The following CLDN16 variants were observed in gnomAD, a reference collection of about 807,000 sequenced individuals.
CLDN16 encodes claudin 16.
In CLDN16, 13 loss-of-function variants were observed where a neutral mutation model predicts 24.6. The observed-to-expected ratio is 0.53, with a 90% CI of 0.34 to 0.84. The LOEUF (loss-of-function observed/expected upper bound fraction) is 0.84. CLDN16 is among the 40% of genes least tolerant of loss of function. The pLI, the probability that CLDN16 is intolerant of heterozygous loss-of-function variation, is 0.01. For missense variants in CLDN16, 298 were observed against 292.7 expected, an observed-to-expected ratio of 1.02 and a Z score of -0.13; for synonymous variants, 116 against 106.7, an observed-to-expected ratio of 1.09 and a Z score of -0.54.
At chr3:190,302,854 A>G in the CLDN16 span, among the ~76,000 whole-genome samples, 46 of 151,306 alleles carry the variant, frequency 3.0e-4, no homozygotes, top group African/African-American at 1.1e-3. Context: ...GTATATTACC[A>G]TATACTGAAA....
At chr3:190,337,243 C>G (rs6776618) in intron 1 of CLDN16, among the ~76,000 whole-genome samples, 102,147 of 152,116 alleles carry the variant, frequency 0.67, 35,835 homozygotes, top group East Asian at 0.93. Flanking sequence ...CTTAAAAGAA[C>G]GCTATACACA....
intron 1 of CLDN16, among the ~76,000 whole-genome samples, chr3:190,395,953 G>A (rs1056012833): frequency 1.3e-5 from 2 of 152,104 alleles, no homozygotes; most frequent in Non-Finnish European, 2.9e-5. Context: ...CTAGAGAAGA[G>A]ATAAATGCCG....
intron 1 of CLDN16, among the ~76,000 whole-genome samples, chr3:190,332,342 G>T (rs1236036276): frequency 6.6e-6 from 1 of 152,090 alleles, no homozygotes; most frequent in East Asian, 1.9e-4. Context: ...ATAAAAATAA[G>T]ATATTAATAG....
intron 1 of CLDN16, among the ~76,000 whole-genome samples, chr3:190,362,290 G>C (rs111526235): frequency 0.047 from 7,071 of 151,874 alleles, 203 homozygotes; most frequent in African/African-American, 0.07. Context: ...GAGATATTTT[G>C]CAGACCCTCA....
chr3:190,367,925 G>A (rs892322318), intron 1 of CLDN16, among the ~76,000 whole-genome samples: 1 of 151,810 alleles, frequency 6.6e-6, no homozygotes, highest in African/African-American at 2.4e-5. Flanking sequence ...TCTGCATTTT[G>A]ATTACATTCC....
At chr3:190,369,461 T>C (rs1718087972) in intron 1 of CLDN16, among the ~76,000 whole-genome samples, 1 of 151,956 alleles carries the variant, frequency 6.6e-6, no homozygotes, top group Non-Finnish European at 1.5e-5. Flanking sequence ...TACCATGTCA[T>C]TTTTATTACA....
At chr3:190,313,554 T>A in the CLDN16 span, among the ~76,000 whole-genome samples, 3 of 152,192 alleles carry the variant, frequency 2.0e-5, no homozygotes, top group Non-Finnish European at 4.4e-5. Flanking sequence ...GTTTTATAGA[T>A]TATCATGGCT....
chr3:190,383,791 T>C (rs534184292), upstream of CLDN16, among the ~76,000 whole-genome samples: 21 of 152,178 alleles, frequency 1.4e-4, no homozygotes, highest in Non-Finnish European at 2.8e-4. Flanking sequence ...TAGATATACA[T>C]ACACACACAT....
At chr3:190,320,312 C>T (rs1372006058), upstream of CLDN16, among the ~76,000 whole-genome samples, 2 of 152,120 alleles carry the variant, frequency 1.3e-5, no homozygotes, top group Non-Finnish European at 2.9e-5. Flanking sequence ...ACAGTGAGAC[C>T]TCTCTGGAAT....
chr3:190,398,754 A>G (rs1718884453), intron 1 of CLDN16, among the ~76,000 whole-genome samples: 1 of 152,146 alleles, frequency 6.6e-6, no homozygotes, highest in South Asian at 2.1e-4. Flanking sequence ...GTGTATTTGT[A>G]ATTTTTAATT....
rs570852973 is a variant in CLDN16, at chr3:190,356,741, T to C, written n.122-14152T>C. Among the ~76,000 whole-genome samples, 18 of 152,040 alleles carry C rather than the reference T, an allele frequency of 1.2e-4. No individual in the cohort carries two copies. The South Asian group carries it at 3.7e-3, about 31-fold the overall frequency. On this transcript the variant is annotated intron_variant and non_coding_transcript_variant, in intron 1 of 4. Transcript: ENST00000468220. ...TACCATAATGTCCTACTGAAATAAA[T>C]ATTCCATGCTATAAAAGAAAGAATT...
chr3:190,306,334 A>G, the CLDN16 span: 3 of 152,202 alleles, frequency 2.0e-5, no homozygotes, highest in Non-Finnish European at 2.9e-5. Context: ...ACTCAATTTT[A>G]CTTCACTGTC....
intron 1 of CLDN16, among the ~76,000 whole-genome samples, chr3:190,346,725 C>T (rs529320263): frequency 3.3e-4 from 50 of 152,270 alleles, no homozygotes; most frequent in African/African-American, 1.2e-3. Flanking sequence ...TCCCTGCCTT[C>T]TCCTAGCTTG....
chr3:190,357,768 A>G (rs1717807598), intron 1 of CLDN16, among the ~76,000 whole-genome samples: 2 of 151,844 alleles, frequency 1.3e-5, no homozygotes, highest in African/African-American at 4.8e-5. Flanking sequence ...AAATCTTTCT[A>G]TGCTTGTAAA....
At chr3:190,399,734 C>T (rs1215334647) in intron 1 of CLDN16, among the ~76,000 whole-genome samples, 5 of 152,122 alleles carry the variant, frequency 3.3e-5, no homozygotes, top group African/African-American at 1.2e-4. Context: ...AATAGCCATC[C>T]TAGAGTGCTA....
At chr3:190,301,602 G>A in the CLDN16 span, among the ~76,000 whole-genome samples, 1 of 152,022 alleles carries the variant, frequency 6.6e-6, no homozygotes, top group Non-Finnish European at 1.5e-5. Flanking sequence ...TCCACTTTTG[G>A]TTTATGTCTG....
At chr3:190,349,528 A>G (rs780963269) in intron 1 of CLDN16, among the ~76,000 whole-genome samples, 3 of 152,138 alleles carry the variant, frequency 2.0e-5, no homozygotes, top group Non-Finnish European at 2.9e-5. Flanking sequence ...GGTATGTTTC[A>G]TCAATGGTCA....
chr3:190,321,091 G>A (rs1431115692), upstream of CLDN16, among the ~76,000 whole-genome samples: 1 of 152,072 alleles, frequency 6.6e-6, no homozygotes, highest in Non-Finnish European at 1.5e-5. Context: ...TTTCTTTGTG[G>A]AAGATGGAAA....
intron 1 of CLDN16, among the ~76,000 whole-genome samples, chr3:190,391,685 C>T (rs56195821): frequency 0.19 from 28,314 of 152,004 alleles, 3,059 homozygotes; most frequent in Middle Eastern, 0.29. Context: ...CTAAAGTGGG[C>T]AACACAAAGA....
Sources: gnomAD v4.1 joint callset for allele counts (sites outside exome capture counted in the v4.1 genomes callset) on GRCh38, gnomAD v4.1.1 for gene constraint, MANE v1.5 for transcripts, NCBI Gene and HGNC (gene_info 2026-07-23, HGNC 2026-07-21) for gene names.